ATXN7L1: variants seen among roughly 807,000 people sequenced by gnomAD.
ATXN7L1 encodes the protein ataxin-7-like protein 1.
Under a neutral mutation model 70.8 loss-of-function variants are expected in ATXN7L1, and 15 were observed. That is an observed-to-expected ratio of 0.21 (90% CI 0.14 to 0.33). The LOEUF (loss-of-function observed/expected upper bound fraction) is 0.33, where lower values mean the gene tolerates loss of function less well. Among genes scored for constraint, ATXN7L1 ranks in the 10% least tolerant of loss-of-function variants. ATXN7L1 has a pLI of 1.00. For missense variants in ATXN7L1, 975 were observed against 1,097.1 expected (o/e 0.89, Z 1.57); for synonymous variants, 440 against 445.1 (o/e 0.99, Z 0.14).
At chr7:105,625,319 C>T (rs951540891) in intron 7 of ATXN7L1, among the ~76,000 whole-genome samples, 7 of 151,714 alleles carry the variant, frequency 4.6e-5, no homozygotes, top group African/African-American at 1.5e-4. Context: ...GGTGTGATCT[C>T]GGCTCACTGC....
intron 4 of ATXN7L1, among the ~76,000 whole-genome samples, chr7:105,648,832 T>G (rs1799448423): frequency 6.6e-6 from 1 of 152,214 alleles, no homozygotes; most frequent in South Asian, 2.1e-4. Context: ...TTTTTTTCCA[T>G]TTGGAAAGAA....
At chr7:105,834,756 A>T (rs1406645932) in intron 2 of ATXN7L1, among the ~76,000 whole-genome samples, 1 of 152,106 alleles carries the variant, frequency 6.6e-6, no homozygotes, top group East Asian at 1.9e-4. Context: ...AACTTCAATA[A>T]CGTTCAGAGA....
At chr7:105,729,301 G>A (rs796977303) in intron 3 of ATXN7L1, among the ~76,000 whole-genome samples, 176 of 147,756 alleles carry the variant, frequency 1.2e-3, no homozygotes, top group South Asian at 4.1e-3. Flanking sequence ...ATGAATGAAT[G>A]AATAAATAAA....
chr7:105,751,064 C>T (rs544072910), intron 3 of ATXN7L1, among the ~76,000 whole-genome samples: 1 of 152,218 alleles, frequency 6.6e-6, no homozygotes, highest in East Asian at 1.9e-4. Flanking sequence ...CTTAACTACT[C>T]CCCAATTGCT....
At chr7:105,627,521 C>T (rs1795880554) in intron 7 of ATXN7L1, among the ~76,000 whole-genome samples, 1 of 148,088 alleles carries the variant, frequency 6.8e-6, no homozygotes, top group South Asian at 2.1e-4. Context: ...CAGGTGTGAG[C>T]CACTGTGCTA....
chr7:105,657,254 A>T (rs1467241280), intron 4 of ATXN7L1, among the ~76,000 whole-genome samples: 3 of 152,136 alleles, frequency 2.0e-5, no homozygotes, highest in Non-Finnish European at 2.9e-5. Context: ...AAGGAGTTGG[A>T]ATTTAGCAAC....
chr7:105,664,519 T>C (rs988618635), intron 4 of ATXN7L1, among the ~76,000 whole-genome samples: 54 of 144,884 alleles, frequency 3.7e-4, no homozygotes, highest in African/African-American at 1.3e-3. Context: ...AATATATATA[T>C]ACATATGTAT....
At chr7:105,872,232 T>C (rs1212311615) in intron 2 of ATXN7L1, among the ~76,000 whole-genome samples, 1 of 152,144 alleles carries the variant, frequency 6.6e-6, no homozygotes, top group African/African-American at 2.4e-5. Flanking sequence ...GACCTCCTGA[T>C]CCACCCACCC....
rs1337354513 is a variant in ATXN7L1 at position 105,649,274 on chromosome 7, C to G, written c.579-6153G>C. 1.1e-5 allele frequency: 9 copies of G among 783,444 alleles called. No homozygotes were observed. The East Asian group carries it at 1.0e-3, about 89-fold the overall frequency. 48.5% of individuals were successfully genotyped at this position (783,444 alleles called of 1,614,324 possible). On this transcript the variant is annotated intron_variant, in intron 4 of 11. Coordinates refer to ENST00000419735, the MANE Select transcript of ATXN7L1 (RefSeq NM_020725.2). ...GAGAGCTCAGGGCTGCAGCCTGTTC[C>G]CCTGCTGTGTCTAATATGCTGGGAG...
chr7:105,653,256 T>C lies in ATXN7L1; in HGVS notation c.579-10135A>G, dbSNP rs535627137. Among the ~76,000 whole-genome samples, 13 of 152,280 alleles carry C rather than the reference T, an allele frequency of 8.5e-5. No homozygotes were observed. In the South Asian group the frequency reaches 2.7e-3, roughly 32 times the overall value. On this transcript the variant is annotated intron_variant, in intron 4 of 11. Transcript: ENST00000419735. Reference sequence around the variant, plus strand: ...TGAGGTCAGGAGTTGGAGACCAGGCTGTCCAACATCATGAAACCCCGTCTC... The same window carrying C: ...TGAGGTCAGGAGTTGGAGACCAGGCCGTCCAACATCATGAAACCCCGTCTC...
At chr7:105,674,191 A>G (rs1274654952) in intron 3 of ATXN7L1, among the ~76,000 whole-genome samples, 3 of 152,198 alleles carry the variant, frequency 2.0e-5, no homozygotes, top group Non-Finnish European at 4.4e-5. Context: ...CTTGGGCACT[A>G]AGTTCTTTTG....
chr7:105,618,137 A>G (rs1342365282), intron 9 of ATXN7L1: 1 of 449,172 alleles, frequency 2.2e-6, no homozygotes, highest in Non-Finnish European at 4.5e-6. Context: ...CTGACAGGAC[A>G]CCAGGGAGTG....
chr7:105,780,763 A>G (rs1803411287), intron 3 of ATXN7L1, among the ~76,000 whole-genome samples: 1 of 152,182 alleles, frequency 6.6e-6, no homozygotes, highest in South Asian at 2.1e-4. Context: ...GGACTGCTGT[A>G]AGATAACTTG....
At chr7:105,865,274 G>T (rs1332318912) in intron 2 of ATXN7L1, among the ~76,000 whole-genome samples, 1 of 152,088 alleles carries the variant, frequency 6.6e-6, no homozygotes, top group African/African-American at 2.4e-5. Flanking sequence ...AGAAATTGAG[G>T]CTTAATTTAA....
intron 4 of ATXN7L1, among the ~76,000 whole-genome samples, chr7:105,654,745 C>T (rs1047052331): frequency 3.4e-5 from 5 of 145,988 alleles, no homozygotes; most frequent in African/African-American, 1.1e-4. Flanking sequence ...TCCTTCAGGC[C>T]ATTTTTTTTT....
At chr7:105,711,611 CCATGTCTCA>C (rs372063887) in intron 3 of ATXN7L1, among the ~76,000 whole-genome samples, 9 of 152,360 alleles carry the variant, frequency 5.9e-5, no homozygotes, top group African/African-American at 2.2e-4. Flanking sequence ...CCCTTTGACT[CCATGTCTCA>C]CATCCAGGCA....
At chr7:105,633,887 TG>T (rs1282445671) in intron 7 of ATXN7L1, among the ~76,000 whole-genome samples, 1 of 152,128 alleles carries the variant, frequency 6.6e-6, no homozygotes, top group Non-Finnish European at 1.5e-5. Flanking sequence ...AAACTGGCTG[TG>T]GGAGCAAAGG....
rs1795344716 is a variant in ATXN7L1, at chr7:105,624,257, C to T, written c.1213G>A (p.Ala405Thr). The T allele has an allele frequency of 7.0e-6, 10 of 1,433,288 alleles. No individual in the cohort carries two copies. Among genetic ancestry groups the T allele is most frequent in the Non-Finnish European group, 9.3e-6 (10 of 1,080,602 alleles). 88.8% of individuals were successfully genotyped at this position (1,433,288 alleles called of 1,614,324 possible). ...GATGTGCTGCTGCTTATGCTATTTGCAGATGATGGTCTAAGGGCAAGAGCG... is the reference window on the plus strand; with the variant it reads ...GATGTGCTGCTGCTTATGCTATTTGTAGATGATGGTCTAAGGGCAAGAGCG... The part of the protein sequence containing the change: ...PNSVLPRPSS[A>T]NSISSSTSSN... Residue 405 changes from alanine to threonine, a missense_variant, in exon 8 of 12, where the codon GCA (alanine) becomes ACA (threonine). This residue lies in a region of ATXN7L1 where 635 missense variants were observed against 699.4 expected (regional missense o/e 0.91). Transcript: ENST00000419735.
intron 3 of ATXN7L1, chr7:105,677,815 A>G: frequency 8.3e-6 from 4 of 480,798 alleles, no homozygotes; most frequent in Non-Finnish European, 1.1e-5. Context: ...CTGATAAGAG[A>G]GGCCACCACT....
Sources: allele counts gnomAD v4.1 joint callset (sites outside exome capture counted in the v4.1 genomes callset), GRCh38; gene constraint gnomAD v4.1.1; regional missense constraint gnomAD v4.1.1; transcripts MANE v1.5; gene names NCBI Gene and HGNC (gene_info 2026-07-23, HGNC 2026-07-21).